The following SASH1 variants were observed in gnomAD, a reference collection of about 807,000 sequenced individuals.
SASH1 encodes the protein SAM and SH3 domain-containing protein 1.
Under a neutral mutation model 125.2 loss-of-function variants are expected in SASH1, and 44 were observed. That is an observed-to-expected ratio of 0.35 (90% CI 0.28 to 0.45). SASH1 has a LOEUF of 0.45. SASH1 is among the 20% of genes least tolerant of loss of function. The pLI is 1.00. For missense variants in SASH1, 1,426 were observed against 1,614.5 expected (o/e 0.88, Z 2.00); for synonymous variants, 639 against 649.1 (o/e 0.98, Z 0.24).
chr6:148,367,484 C>T (rs1782517731), intron 1 of SASH1, among the ~76,000 whole-genome samples: 1 of 152,240 alleles, frequency 6.6e-6, no homozygotes, highest in African/African-American at 2.4e-5. Flanking sequence ...GAACAAAACA[C>T]ATTGCTCTTG....
At chr6:148,505,681 A>T (rs1375604479) in intron 8 of SASH1, among the ~76,000 whole-genome samples, 3 of 148,488 alleles carry the variant, frequency 2.0e-5, no homozygotes, top group African/African-American at 7.5e-5. Context: ...TCGCTCTGTC[A>T]CCCAGGCGTG....
chr6:148,197,231 C>T, the SASH1 span, among the ~76,000 whole-genome samples: 1 of 152,130 alleles, frequency 6.6e-6, no homozygotes, highest in Non-Finnish European at 1.5e-5. Flanking sequence ...GCAGTGGTCC[C>T]AGACCAGTGT....
At position 148,306,303 on chromosome 6, in the gene SASH1, C is replaced by T. The variant is rs150922300; in HGVS notation, n.74+33926C>T. On this transcript the variant is annotated intron_variant and non_coding_transcript_variant, in intron 1 of 3. Coordinates refer to the SASH1 transcript ENST00000367469. ...AGTCAGGATGCCATCTATAGATGTCCGCCTCTAAAGGGACAGATGGCAGAG... is the reference window on the plus strand; with the variant it reads ...AGTCAGGATGCCATCTATAGATGTCTGCCTCTAAAGGGACAGATGGCAGAG... Among the ~76,000 whole-genome samples, 55 of 152,238 alleles carry T rather than the reference C, an allele frequency of 3.6e-4. 1 individual carries two copies. The East Asian group carries it at 8.9e-3, about 25-fold the overall frequency.
At chr6:148,335,023 C>T (rs1465455233) in intron 1 of SASH1, among the ~76,000 whole-genome samples, 1 of 147,464 alleles carries the variant, frequency 6.8e-6, no homozygotes, top group Non-Finnish European at 1.5e-5. Flanking sequence ...TGAGGCCGGG[C>T]GTGGTGGCTC....
chr6:148,300,234 C>T (rs1030416090), intron 1 of SASH1, among the ~76,000 whole-genome samples: 2 of 152,160 alleles, frequency 1.3e-5, no homozygotes, highest in Non-Finnish European at 2.9e-5. Context: ...TGCTAATACT[C>T]ATTTTCATAG....
At chr6:148,264,411 T>C in the SASH1 span, among the ~76,000 whole-genome samples, 5 of 152,370 alleles carry the variant, frequency 3.3e-5, no homozygotes, top group African/African-American at 1.2e-4. Flanking sequence ...AGGTCATTAT[T>C]GTCTTCAGTA....
chr6:148,233,915 A>G, the SASH1 span, among the ~76,000 whole-genome samples: 3 of 149,842 alleles, frequency 2.0e-5, no homozygotes, highest in Admixed American at 6.7e-5. Context: ...TCTGTTTCCA[A>G]AAAAAAAAAA....
At chr6:148,357,778 G>C (rs138553460) in intron 1 of SASH1, among the ~76,000 whole-genome samples, 1 of 152,160 alleles carries the variant, frequency 6.6e-6, no homozygotes, top group African/African-American at 2.4e-5. Context: ...AAAGATTTTC[G>C]GCCAGGCACA....
intron 1 of SASH1, among the ~76,000 whole-genome samples, chr6:148,298,712 A>AGGAAGGAAGGAAG (rs369219222): frequency 2.7e-4 from 16 of 58,820 alleles, no homozygotes; most frequent in South Asian, 1.0e-3. Flanking sequence ...GAAGGAAGGA[A>AGGAAGGAAGGAAG]GAAGGAAGGG....
intron 9 of SASH1, among the ~76,000 whole-genome samples, chr6:148,516,897 A>G (rs1318409335): frequency 6.6e-6 from 1 of 152,136 alleles, no homozygotes. Flanking sequence ...GAGAGAGATC[A>G]GTTCTTCATT....
At chr6:148,224,012 G>T in the SASH1 span, among the ~76,000 whole-genome samples, 54 of 152,244 alleles carry the variant, frequency 3.5e-4, 1 homozygote, top group East Asian at 0.01. Context: ...GTCTTACATG[G>T]GCCAGGCACA....
At chr6:148,530,917 G>A (rs1359663541) in intron 12 of SASH1, among the ~76,000 whole-genome samples, 1 of 152,210 alleles carries the variant, frequency 6.6e-6, no homozygotes, top group Non-Finnish European at 1.5e-5. Flanking sequence ...CTTTAGAAAA[G>A]TGAAAGAAGC....
At chr6:148,292,310 TTG>T (rs1230242399) in intron 1 of SASH1, among the ~76,000 whole-genome samples, 1 of 152,188 alleles carries the variant, frequency 6.6e-6, no homozygotes, top group Non-Finnish European at 1.5e-5. Context: ...AGCTCTGAGC[TTG>T]CCTGCCATCC....
chr6:148,328,687 C>T (rs187030316), intron 1 of SASH1, among the ~76,000 whole-genome samples: 1 of 152,012 alleles, frequency 6.6e-6, no homozygotes, highest in East Asian at 1.9e-4. Flanking sequence ...TAAAACTTAC[C>T]CAGCCTGGGA....
chr6:148,215,593 T>C, the SASH1 span, among the ~76,000 whole-genome samples: 3 of 152,156 alleles, frequency 2.0e-5, no homozygotes, highest in Admixed American at 1.3e-4. Context: ...AGGGAACTTG[T>C]AATTTTTTAA....
intron 1 of SASH1, among the ~76,000 whole-genome samples, chr6:148,297,049 T>C (rs1202636222): frequency 1.3e-5 from 2 of 152,218 alleles, no homozygotes; most frequent in Non-Finnish European, 2.9e-5. Flanking sequence ...TCTTAAAATT[T>C]CTAGTATTTC....
chr6:148,482,580 G>T (rs999118383), intron 7 of SASH1, among the ~76,000 whole-genome samples: 1 of 151,514 alleles, frequency 6.6e-6, no homozygotes, highest in African/African-American at 2.4e-5. Context: ...AGAGTGCAGT[G>T]GCGTGATAAT....
the SASH1 span, among the ~76,000 whole-genome samples, chr6:148,203,362 T>C: frequency 1.3e-5 from 2 of 152,172 alleles, no homozygotes; most frequent in African/African-American, 4.8e-5. Context: ...TCTTCCTTCT[T>C]TTCCATCCTC....
the SASH1 span, among the ~76,000 whole-genome samples, chr6:148,259,080 C>T: frequency 6.6e-6 from 1 of 152,170 alleles, no homozygotes; most frequent in Non-Finnish European, 1.5e-5. Flanking sequence ...TTACCTTGGC[C>T]ATGTCTATAT....
Sources: allele counts gnomAD v4.1 joint callset (sites outside exome capture counted in the v4.1 genomes callset), GRCh38; gene constraint gnomAD v4.1.1; transcripts MANE v1.5; gene names NCBI Gene and HGNC (gene_info 2026-07-23, HGNC 2026-07-21).